Variants in ROBO3 observed in about 807,000 individuals in gnomAD.
ROBO3 encodes the protein roundabout guidance receptor 3.
A neutral mutation model predicts 160.5 loss-of-function variants in ROBO3; 97 were observed. That is an observed-to-expected ratio of 0.60 (90% CI 0.51 to 0.72). ROBO3 has a LOEUF of 0.72. Among genes scored for constraint, ROBO3 ranks in the 30% least tolerant of loss-of-function variants. The pLI, the probability that ROBO3 is intolerant of heterozygous loss-of-function variation, is 0.00. For missense variants in ROBO3, 1,858 were observed against 1,846.5 expected (o/e 1.01, Z -0.11); for synonymous variants, 780 against 746.2 (o/e 1.05, Z -0.74).
At chr11:124,868,090 GAA>G (rs1946225452) in intron 1 of ROBO3, among the ~76,000 whole-genome samples, 1 of 152,186 alleles carries the variant, frequency 6.6e-6, no homozygotes, top group Non-Finnish European at 1.5e-5. Context: ...TAATCTATTG[GAA>G]ACTATGCACC....
Position 124,876,994 on chromosome 11 carries a change from T to C in ROBO3, c.2780-167T>C. On this transcript the variant is annotated intron_variant, in intron 17 of 27. Coordinates refer to ENST00000397801, the MANE Select transcript of ROBO3 (RefSeq NM_022370.4). The surrounding 1 kb of genome is among the most constrained non-coding windows in gnomAD (Gnocchi z 5.3). Reference sequence around the variant, plus strand: ...AATCACTTGAGGGGCTTGAGAAAAATACCGACACCTGAGTCCCACCCCCGA... The same window carrying C: ...AATCACTTGAGGGGCTTGAGAAAAACACCGACACCTGAGTCCCACCCCCGA... 2.6e-6 allele frequency: 2 copies of C among 776,842 alleles called. No homozygotes were observed. Among genetic ancestry groups the C allele is most frequent in the South Asian group, 1.4e-5 (1 of 70,108 alleles). The allele number at this position is 776,842 out of a possible 1,614,324, so 48.1% of individuals were successfully genotyped here. A position where few individuals can be genotyped will look rare whatever the true frequency, so the allele number is the denominator to read the frequency against.
chr11:124,868,560 T>C, intron 1 of ROBO3: 3 of 628,114 alleles, frequency 4.8e-6, no homozygotes. Flanking sequence ...TAGAAGTTTG[T>C]GTCCCGATCC....
rs751259893 is a variant in ROBO3 at position 124,878,137 on chromosome 11, AC to A, written c.3181+7del. On this transcript the variant is annotated splice_region_variant and intron_variant, in intron 21 of 27. Coordinates refer to ENST00000397801, the MANE Select transcript of ROBO3 (RefSeq NM_022370.4). The surrounding 1 kb of genome is among the most constrained non-coding windows in gnomAD (Gnocchi z 4.3). Reference sequence around the variant, plus strand: ...GTGGAGCCAGGGGGACAGTGGTATGACTCCAACTCCTGAAACCCCGTTTAGC... The same window carrying A: ...GTGGAGCCAGGGGGACAGTGGTATGATCCAACTCCTGAAACCCCGTTTAGC... 11 of 1,597,230 alleles carry A rather than the reference AC, an allele frequency of 6.9e-6. No individual in the cohort carries two copies. Among genetic ancestry groups the A allele is most frequent in the African/African-American group, 1.3e-5 (1 of 74,290 alleles).
In ROBO3 at chr11:124,873,103, CT is replaced by C. The variant is rs1264231262; in HGVS notation, c.1536+15del. On this transcript the variant is annotated intron_variant, in intron 9 of 27. Transcript: ENST00000397801. This position sits in a 1 kb window ranked among gnomAD's most constrained non-coding sequence, Gnocchi z 4.5. ...GCCAATGTGCAGGTGAGTGTCACCC[CT>C]GGGGCCCTAGTAGCTGAGAATGGCT... 6.2e-6 allele frequency: 10 copies of C among 1,609,402 alleles called. No individual in the cohort carries two copies. Among genetic ancestry groups the C allele is most frequent in the Non-Finnish European group, 6.8e-6 (8 of 1,177,078 alleles).
chr11:124,878,029 G>A lies in ROBO3; in HGVS notation c.3079G>A (p.Glu1027Lys), dbSNP rs765440517. 4 of 1,612,646 alleles carry A rather than the reference G, an allele frequency of 2.5e-6. No homozygotes were observed. Among genetic ancestry groups the A allele is most frequent in the Non-Finnish European group, 3.4e-6 (4 of 1,179,360 alleles). Reference protein sequence around the residue: ...PVYSTIDPAGEELQTFHGGFP... With the variant: ...PVYSTIDPAGKELQTFHGGFP... The stretch of plus-strand genomic sequence containing the variant: ...CTATAGCACCATTGACCCAGCGGGG[G>A]AGGAGCTGCAGACCTTCCATGGGGG... Residue 1027 changes from glutamate to lysine, a missense_variant, in exon 21 of 28, where the codon GAG becomes AAG. Coordinates refer to ENST00000397801, the MANE Select transcript of ROBO3 (RefSeq NM_022370.4). The surrounding 1 kb of genome is among the most constrained non-coding windows in gnomAD (Gnocchi z 4.3).
At position 124,876,088 on chromosome 11, in the gene ROBO3, C is replaced by G. The variant is rs1946359768; in HGVS notation, c.2556C>G (p.Gly852=). The G allele has an allele frequency of 6.2e-7, 1 of 1,607,990 alleles. No individual in the cohort carries two copies. The highest frequency in any genetic ancestry group is 1.7e-5 in the Admixed American group (1 of 59,876). Residue 852 remains glycine, a synonymous_variant, in exon 16 of 28, where the codon GGC becomes GGG. Coordinates refer to ENST00000397801, the MANE Select transcript of ROBO3 (RefSeq NM_022370.4). The surrounding 1 kb of genome is among the most constrained non-coding windows in gnomAD (Gnocchi z 5.3). The stretch of plus-strand genomic sequence containing the variant: ...TGGTCGCGGCGGCCACCAGCGCAGG[C>G]GTGGGCGTGCCCAGTGCCCCAGTGC... The part of the protein sequence containing the change: ...RTLVAAATSA[G]VGVPSAPVLV...
chr11:124,869,429 G>GCCCCCCCCCCCCCCCCCCCCCTCCC lies in ROBO3; in HGVS notation c.488-15_488-14insCCCCCCCCCCCCCCCTCCCCCCCCC. The stretch of plus-strand genomic sequence containing the variant: ...TGTCACTCTACACCCTGCTTATTTC[G>GCCCCCCCCCCCCCCCCCCCCCTCCC]CCCCCCACCGCCCCGCCCAGTCCTC... On this transcript the variant is annotated intron_variant, in intron 2 of 27. Transcript: ENST00000397801. The surrounding 1 kb of genome is among the most constrained non-coding windows in gnomAD (Gnocchi z 4.2). 1.5e-6 allele frequency: 2 copies of GCCCCCCCCCCCCCCCCCCCCCTCCC among 1,295,760 alleles called. No individual in the cohort carries two copies. Among genetic ancestry groups the GCCCCCCCCCCCCCCCCCCCCCTCCC allele is most frequent in the Non-Finnish European group, 1.1e-6 (1 of 929,938 alleles). 80.3% of individuals were successfully genotyped at this position (1,295,760 alleles called of 1,614,324 possible).
intron 26 of ROBO3, 63 bp downstream of exon 26, chr11:124,880,011 G>C: frequency 6.9e-7 from 1 of 1,446,924 alleles, no homozygotes; most frequent in East Asian, 2.5e-5. Context: ...TTTGGGACTG[G>C]GGGCTGATAG....
chr11:124,872,779 C>T lies in ROBO3; in HGVS notation c.1331-105C>T, dbSNP rs1946294205. The T allele has an allele frequency of 7.3e-6, 8 of 1,093,066 alleles. No individual in the cohort carries two copies. Among genetic ancestry groups the T allele is most frequent in the Admixed American group, 2.9e-5 (1 of 35,022 alleles). 67.7% of individuals were successfully genotyped at this position (1,093,066 alleles called of 1,614,324 possible). A position where few individuals can be genotyped will look rare whatever the true frequency, so the allele number is the denominator to read the frequency against. ...AGCCCCCTCTGATCACCGGAAGTTT[C>T]AGGGGCTGGGGTAGGGAGGGTGAAG... On this transcript the variant is annotated intron_variant, in intron 8 of 27. Coordinates refer to ENST00000397801, the MANE Select transcript of ROBO3 (RefSeq NM_022370.4). The surrounding 1 kb of genome is among the most constrained non-coding windows in gnomAD (Gnocchi z 4.3).
chr11:124,875,648 T>G lies in ROBO3; in HGVS notation c.2384T>G (p.Leu795Arg), dbSNP rs1310075268. Residue 795 changes from leucine (L) to arginine (R), a missense_variant, in exon 15 of 28, where the codon CTC becomes CGC. Coordinates refer to ENST00000397801, the MANE Select transcript of ROBO3 (RefSeq NM_022370.4). ...ATCACTGTGTCCTGGGAACCTCCAC[T>G]CCCCTCCCAGCAAAATGGGGTCATC... ...SSITVSWEPPLPSQQNGVITE... is the reference protein window; with the variant it reads ...SSITVSWEPPRPSQQNGVITE... 1.9e-6 allele frequency: 3 copies of G among 1,609,158 alleles called. No homozygotes were observed. The African/African-American group carries it at 4.0e-5, about 22-fold the overall frequency.
At chr11:124,871,545 C>T (rs551044876) in intron 7 of ROBO3, among the ~76,000 whole-genome samples, 3 of 152,204 alleles carry the variant, frequency 2.0e-5, no homozygotes, top group Non-Finnish European at 4.4e-5. Flanking sequence ...AAAGTACTCG[C>T]TCTTCTATTT....
rs757633931 is a variant in ROBO3, at chr11:124,873,137, C to A, written c.1536+48C>A. On this transcript the variant is annotated intron_variant, in intron 9 of 27. Transcript: ENST00000397801. The surrounding 1 kb of genome is among the most constrained non-coding windows in gnomAD (Gnocchi z 4.5). ...TAGTAGCTGAGAATGGCTATCTGCT[C>A]CACGTTCCTTACACAAGTAAGTACT... 3.0e-5 allele frequency: 47 copies of A among 1,566,482 alleles called. 3 individuals are homozygous for A. In the South Asian group the frequency reaches 4.8e-4, roughly 16 times the overall value.
intron 17 of ROBO3, 42 bp from the exon 18 acceptor site, chr11:124,877,119 T>C (rs1946399661): frequency 6.2e-7 from 1 of 1,611,356 alleles, no homozygotes; most frequent in South Asian, 1.1e-5. Context: ...ACCCTTCTCC[T>C]CATTTCACCT....
Position 124,872,842 on chromosome 11 carries a change from C to G in ROBO3, c.1331-42C>G, listed in dbSNP as rs138562438. ...AGGACAAGGGGCTGCCCGCGGGGCC[C>G]TAAGCTCCTCCCCTGAGGTGCACAC... On this transcript the variant is annotated intron_variant, in intron 8 of 27. Transcript: ENST00000397801. This position sits in a 1 kb window ranked among gnomAD's most constrained non-coding sequence, Gnocchi z 4.3. 6.5e-4 allele frequency: 975 copies of G among 1,490,270 alleles called. 9 individuals are homozygous for G. The African/African-American group carries it at 0.012, about 19-fold the overall frequency. 92.3% of individuals were successfully genotyped at this position (1,490,270 alleles called of 1,614,324 possible).
At chr11:124,880,056 T>TGC in intron 26 of ROBO3, 108 bp downstream of exon 26, 1 of 1,134,406 alleles carries the variant, frequency 8.8e-7, no homozygotes, top group Non-Finnish European at 1.2e-6. Context: ...GTTAGGTTCA[T>TGC]GCATTTGATC....
Position 124,868,949 on chromosome 11 carries a change from G to A in ROBO3, c.308G>A (p.Arg103His), listed in dbSNP as rs369787392. 8.1e-6 allele frequency: 13 copies of A among 1,605,610 alleles called. No homozygotes were observed. Among genetic ancestry groups the A allele is most frequent in the East Asian group, 2.2e-5 (1 of 44,534 alleles). ...ATTGAGTGGTACAAGAACGGGGCGC[G>A]TGTGGCCACTGTGCGGGAGGATCCG... ...PNIEWYKNGA[R>H]VATVREDPRA... is the part of the protein sequence containing the mutation. Residue 103 changes from arginine to histidine, a missense_variant, in exon 2 of 28, where the codon CGT (arginine) becomes CAT (histidine). Transcript: ENST00000397801.
intron 1 of ROBO3, among the ~76,000 whole-genome samples, chr11:124,866,399 G>T (rs890421342): frequency 6.6e-6 from 1 of 152,206 alleles, no homozygotes; most frequent in South Asian, 2.1e-4. Context: ...CTCCCCTAGC[G>T]CCGCGGGGAA....
rs1380638524 is a variant in ROBO3, at chr11:124,879,291, C to T, written c.3635C>T (p.Ser1212Leu). ...GGCTTGGGTGCTGGCCCTGCAGCCT[C>T]ACCCCACCTCAGCCCCAGTCCTGCC... ...PAGLGAGPAA[S>L]PHLSPSPAPS... The change falls in exon 24 of 28, where the codon TCA (serine) becomes TTA (leucine). Residue 1212 changes from serine to leucine, a missense_variant. Coordinates refer to ENST00000397801, the MANE Select transcript of ROBO3 (RefSeq NM_022370.4). The T allele has an allele frequency of 3.1e-6, 5 of 1,601,404 alleles. No homozygotes were observed. Among genetic ancestry groups the T allele is most frequent in the South Asian group, 1.1e-5 (1 of 88,394 alleles).
rs1946389077 is a variant in ROBO3, at chr11:124,876,803, G to A, written c.2779+343G>A. 1.2e-5 allele frequency: 6 copies of A among 519,690 alleles called. No individual in the cohort carries two copies. In the South Asian group the frequency reaches 1.6e-4, roughly 14 times the overall value. 32.2% of individuals were successfully genotyped at this position (519,690 alleles called of 1,614,324 possible). A position where few individuals can be genotyped will look rare whatever the true frequency, so the allele number is the denominator to read the frequency against. On this transcript the variant is annotated intron_variant, in intron 17 of 27. Coordinates refer to ENST00000397801, the MANE Select transcript of ROBO3 (RefSeq NM_022370.4). This position sits in a 1 kb window ranked among gnomAD's most constrained non-coding sequence, Gnocchi z 5.3. ...GCGGGGCCTGGCAAGAGGGGGTGTG[G>A]CCAGGATCCCAGGCAGTAAATTGTG...
Sources: gnomAD v4.1 joint callset for allele counts (sites outside exome capture counted in the v4.1 genomes callset) on GRCh38, gnomAD v4.1.1 for gene constraint, Gnocchi (gnomAD v3.1) non-coding constraint, MANE v1.5 for transcripts, NCBI Gene and HGNC (gene_info 2026-07-23, HGNC 2026-07-21) for gene names.